PPEF1: variants seen among roughly 807,000 people sequenced by gnomAD.
The protein encoded by PPEF1 is protein phosphatase with EF-hand domain 1.
In PPEF1, 12 loss-of-function variants were observed where a neutral mutation model predicts 53.3. The observed-to-expected ratio is 0.23, with a 90% CI of 0.14 to 0.36. The LOEUF (loss-of-function observed/expected upper bound fraction) is 0.36. PPEF1 is among the 10% of genes least tolerant of loss of function. The pLI, the probability that PPEF1 is intolerant of heterozygous loss-of-function variation, is 1.00. For synonymous variants in PPEF1, 165 were observed against 176.7 expected, an observed-to-expected ratio of 0.93 and a Z score of 0.52; for missense variants, 334 against 490.4, an observed-to-expected ratio of 0.68 and a Z score of 3.01.
At chrX:18,797,923 G>A (rs1157116935) in intron 10 of PPEF1, among the ~76,000 whole-genome samples, 4 of 14,294 alleles carry the variant, frequency 2.8e-4, no homozygotes, top group East Asian at 5.2e-3. Flanking sequence ...AGGATGTCTC[G>A]ACCTCATGAT....
intron 3 of PPEF1, among the ~76,000 whole-genome samples, chrX:18,742,850 GA>G (rs34211576): frequency 0.45 from 43,584 of 97,101 alleles, 8,291 homozygotes; most frequent in Non-Finnish European, 0.56. Flanking sequence ...CTCCATCTCA[GA>G]AAAAAAAAAA....
chrX:18,782,329 T>G, intron 7 of PPEF1, 37 bp from the exon 8 acceptor site: 1 of 1,115,788 alleles, frequency 9.0e-7, no homozygotes, highest in Non-Finnish European at 1.2e-6. Flanking sequence ...GTAGGCGTTA[T>G]CAACAATCAA....
intron 3 of PPEF1, among the ~76,000 whole-genome samples, chrX:18,740,172 C>T (rs1033428447): frequency 8.9e-6 from 1 of 112,162 alleles, no homozygotes; most frequent in African/African-American, 3.2e-5. Flanking sequence ...AACCCGGTGC[C>T]TCAGTTGGAA....
intron 1 of PPEF1, among the ~76,000 whole-genome samples, chrX:18,713,420 C>CTTTTTTTTTTTTTTTTTTTT (rs55997147): frequency 2.1e-4 from 16 of 77,501 alleles, no homozygotes; most frequent in African/African-American, 5.4e-4. Context: ...CCTTAAAATT[C>CTTTTTTTTTTTTTTTTTTTT]TTTTTTTTTT....
chrX:18,682,752 G>C (rs779702130), upstream of PPEF1, among the ~76,000 whole-genome samples: 3 of 111,652 alleles, frequency 2.7e-5, no homozygotes, highest in South Asian at 1.1e-3. Context: ...GCCCTGGCTC[G>C]GATGCCTGAA....
intron 7 of PPEF1, among the ~76,000 whole-genome samples, chrX:18,780,097 C>T (rs774580155): frequency 5.4e-5 from 6 of 111,956 alleles, no homozygotes; most frequent in Non-Finnish European, 1.1e-4. Flanking sequence ...TCCTTATTGC[C>T]TATCGTATTT....
chrX:18,728,090 G>C (rs1469296881), intron 1 of PPEF1, among the ~76,000 whole-genome samples: 1 of 110,382 alleles, frequency 9.1e-6, no homozygotes, highest in Non-Finnish European at 1.9e-5. Context: ...GAGGTCAGAG[G>C]CTGCCCCTGA....
intron 10 of PPEF1, among the ~76,000 whole-genome samples, chrX:18,797,294 G>T (rs1256852188): frequency 9.0e-6 from 1 of 111,298 alleles, no homozygotes; most frequent in Non-Finnish European, 1.9e-5. Flanking sequence ...TCTTTATTTT[G>T]TCTTGTAGTC....
intron 3 of PPEF1, among the ~76,000 whole-genome samples, chrX:18,735,902 A>G (rs1016136687): frequency 2.7e-5 from 3 of 111,598 alleles, no homozygotes; most frequent in Non-Finnish European, 5.6e-5. Flanking sequence ...TGTGAATAGG[A>G]GTTCACTCAT....
intron 15 of PPEF1, among the ~76,000 whole-genome samples, chrX:18,826,255 T>A (rs1386640658): frequency 9.0e-6 from 1 of 110,534 alleles, no homozygotes. Flanking sequence ...GAAGCCTAGG[T>A]AGCCATCAGT....
chrX:18,755,621 T>C lies in PPEF1; in HGVS notation c.397-2006T>C, dbSNP rs750792118. On this transcript the variant is annotated intron_variant, in intron 4 of 15. Transcript: ENST00000470157. ...TCAACAGTTTTTAGTATATTAAAAA[T>C]GTTGTGCAACCATCACCACTATGTA... 2.7e-5 allele frequency among the ~76,000 whole-genome samples: 3 copies of C among 109,504 alleles called. No homozygotes were observed. In the South Asian group the frequency reaches 1.1e-3, roughly 42 times the overall value.
intron 3 of PPEF1, among the ~76,000 whole-genome samples, chrX:18,738,007 C>T (rs1328338190): frequency 9.1e-6 from 1 of 110,343 alleles, no homozygotes; most frequent in African/African-American, 3.3e-5. Flanking sequence ...TTATTTTGAG[C>T]CTATGTGTGT....
At chrX:18,764,625 T>C (rs5955508) in intron 6 of PPEF1, among the ~76,000 whole-genome samples, 50,574 of 110,329 alleles carry the variant, frequency 0.46, 8,757 homozygotes, top group Non-Finnish European at 0.54. Flanking sequence ...ATTTATTTAA[T>C]TTGGGACGTA....
intron 1 of PPEF1, among the ~76,000 whole-genome samples, chrX:18,724,982 A>G (rs1054504545): frequency 9.9e-5 from 11 of 111,047 alleles, no homozygotes; most frequent in African/African-American, 3.6e-4. Flanking sequence ...CCTCTCCTGG[A>G]GAGGTTTCCT....
At chrX:18,789,757 G>A (rs2046291706) in intron 10 of PPEF1, among the ~76,000 whole-genome samples, 1 of 112,289 alleles carries the variant, frequency 8.9e-6, no homozygotes, top group African/African-American at 3.2e-5. Flanking sequence ...CCATGTTGTA[G>A]CATGTATCAG....
chrX:18,708,788 G>A (rs1377612330), intron 1 of PPEF1, among the ~76,000 whole-genome samples: 6 of 112,073 alleles, frequency 5.4e-5, no homozygotes, highest in Non-Finnish European at 1.9e-5. Context: ...CATAGGAGGT[G>A]TACTGACTCT....
intron 10 of PPEF1, among the ~76,000 whole-genome samples, chrX:18,793,422 C>G (rs2046359360): frequency 9.0e-6 from 1 of 111,471 alleles, no homozygotes; most frequent in South Asian, 3.7e-4. Flanking sequence ...CATGCTTTGC[C>G]TGATTTAAAT....
chrX:18,739,335 G>A (rs1273489878), intron 3 of PPEF1, among the ~76,000 whole-genome samples: 1 of 112,486 alleles, frequency 8.9e-6, no homozygotes, highest in Admixed American at 9.4e-5. Flanking sequence ...CTTTCTGTTT[G>A]TTAGTTTTCC....
chrX:18,739,186 G>A (rs1046773248), intron 3 of PPEF1, among the ~76,000 whole-genome samples: 55 of 112,703 alleles, frequency 4.9e-4, no homozygotes, highest in Non-Finnish European at 8.2e-4. Context: ...GAGGAGCTGC[G>A]TTCCTTTGGA....
Sources: gnomAD v4.1 joint callset for allele counts (sites outside exome capture counted in the v4.1 genomes callset) on GRCh38, gnomAD v4.1.1 for gene constraint, MANE v1.5 for transcripts, NCBI Gene and HGNC (gene_info 2026-07-23, HGNC 2026-07-21) for gene names.